The following ATRN variants were observed in gnomAD, a reference collection of about 807,000 sequenced individuals.
ATRN encodes the protein attractin-2.
ATRN carries 54 observed loss-of-function variants against 178.7 expected under a neutral mutation model. The ratio of observed to expected loss-of-function variants is 0.30; its 90% CI spans 0.24 to 0.38. The LOEUF is 0.38. ATRN is among the 10% of genes least tolerant of loss of function. The probability of loss-of-function intolerance (pLI) is 1.00; values close to 1 mark genes in which losing one functional copy is unlikely to be tolerated. For missense variants in ATRN, 1,443 were observed against 1,815.1 expected (o/e 0.79, Z 3.73); for synonymous variants, 636 against 663.0 (o/e 0.96, Z 0.63).
In ATRN at chr20:3,638,474, T is replaced by C. The variant is rs537639880; in HGVS notation, c.3943-354T>C. ...AAAGGATATGAACTCATTTATTTTA[T>C]GGCCGCATAGTATTCCATGGTGTAT... On this transcript the variant is annotated intron_variant, in intron 26 of 28. Transcript: ENST00000262919. The surrounding 1 kb of genome is among the most constrained non-coding windows in gnomAD (Gnocchi z 4.5). Among the ~76,000 whole-genome samples, 6 of 152,368 alleles carry C rather than the reference T, an allele frequency of 3.9e-5. No homozygotes were observed. In the South Asian group the frequency reaches 1.2e-3, roughly 32 times the overall value.
intron 19 of ATRN, 124 bp downstream of exon 19, chr20:3,591,430 A>G (rs2086440829): frequency 3.3e-6 from 4 of 1,224,624 alleles, no homozygotes; most frequent in Admixed American, 2.4e-5. Flanking sequence ...TTATTAAATC[A>G]TACTGGTCAG....
At chr20:3,594,333 T>C in intron 19 of ATRN, 146 bp from the exon 20 acceptor site, 1 of 537,180 alleles carries the variant, frequency 1.9e-6, no homozygotes, top group Non-Finnish European at 3.3e-6. Context: ...TGAAAAATCA[T>C]GAATCTTACC....
At chr20:3,628,426 G>A (rs1208226300) in intron 25 of ATRN, among the ~76,000 whole-genome samples, 1 of 152,118 alleles carries the variant, frequency 6.6e-6, no homozygotes, top group Non-Finnish European at 1.5e-5. Flanking sequence ...GTCAACCGTG[G>A]TCCAAAAACA....
intron 1 of ATRN, among the ~76,000 whole-genome samples, chr20:3,501,842 C>G (rs2084968999): frequency 6.6e-6 from 1 of 152,088 alleles, no homozygotes; most frequent in African/African-American, 2.4e-5. Flanking sequence ...CATCGGGGGA[C>G]ACAGTTGGAT....
rs117812068 is a variant in ATRN, at chr20:3,608,227, G to A, written c.3801+3965G>A. On this transcript the variant is annotated intron_variant, in intron 24 of 28. Coordinates refer to ENST00000262919, the MANE Select transcript of ATRN (RefSeq NM_139321.3). ...TTGGCTTGATATAATCCCATTTGTC[G>A]ATTTTTGCTTTTGTTGCCTGTGATT... Among the ~76,000 whole-genome samples, 24 of 152,066 alleles carry A rather than the reference G, an allele frequency of 1.6e-4. No individual in the cohort carries two copies. The East Asian group carries it at 4.3e-3, about 27-fold the overall frequency.
At chr20:3,574,692 G>C (rs1213250784) in intron 12 of ATRN, among the ~76,000 whole-genome samples, 1 of 152,176 alleles carries the variant, frequency 6.6e-6, no homozygotes, top group Non-Finnish European at 1.5e-5. Flanking sequence ...AAATATGCAT[G>C]TTTATAGGAA....
chr20:3,476,638 C>T (rs577140320), intron 1 of ATRN, among the ~76,000 whole-genome samples: 21 of 152,180 alleles, frequency 1.4e-4, no homozygotes, highest in African/African-American at 2.9e-4. Context: ...GCGGGCGGAT[C>T]GCCTGAGGTC....
intron 25 of ATRN, among the ~76,000 whole-genome samples, chr20:3,629,928 C>G (rs2086977104): frequency 7.3e-6 from 1 of 137,236 alleles, no homozygotes; most frequent in African/African-American, 3.1e-5. Flanking sequence ...CTCCCCCAAG[C>G]CTCATCATTC....
rs963549891 is a variant in ATRN, at chr20:3,471,324, C to T, written c.217C>T (p.Leu73=). The T allele has an allele frequency of 4.7e-6, 7 of 1,483,754 alleles. No individual in the cohort carries two copies. Among genetic ancestry groups the T allele is most frequent in the Non-Finnish European group, 5.3e-6 (6 of 1,126,076 alleles). 91.9% of individuals were successfully genotyped at this position (1,483,754 alleles called of 1,614,324 possible). The change falls in exon 1 of 29, where the codon CTG becomes TTG. Residue 73 remains leucine, a synonymous_variant. Transcript: ENST00000262919. ...GCTGTTGTTGCTCTCGCCGCCGCTG[C>T]TGCTGCTGCTGCTGCCCTGTGAGGC... ...LLLLLLSPPL[L]LLLLPCEAEA...
At chr20:3,472,735 G>A (rs1252972621) in intron 1 of ATRN, among the ~76,000 whole-genome samples, 1 of 152,200 alleles carries the variant, frequency 6.6e-6, no homozygotes, top group Non-Finnish European at 1.5e-5. Flanking sequence ...CTAGCTGGAG[G>A]GATGCAAGGA....
At chr20:3,590,496 T>C (rs1331290057) in intron 18 of ATRN, among the ~76,000 whole-genome samples, 3 of 152,190 alleles carry the variant, frequency 2.0e-5, no homozygotes, top group African/African-American at 7.2e-5. Context: ...AGGTCCAAGC[T>C]TCATATACCT....
At position 3,594,505 on chromosome 20, in the gene ATRN, C is replaced by T. The variant is rs1443698113; in HGVS notation, c.3349C>T (p.Leu1117=). The change falls in exon 20 of 29, where the codon CTG becomes TTG. Residue 1117 remains leucine (L), a synonymous_variant. Transcript: ENST00000262919. ...ATGCAAGTGCAATGGGCACGCGTCT[C>T]TGTGCAACACCAACACGGGCAAGTG... ...QPCKCNGHAS[L]CNTNTGKCFC... The T allele has an allele frequency of 6.2e-7, 1 of 1,611,932 alleles. No individual in the cohort carries two copies. Among genetic ancestry groups the T allele is most frequent in the Non-Finnish European group, 8.5e-7 (1 of 1,178,550 alleles).
intron 1 of ATRN, among the ~76,000 whole-genome samples, chr20:3,525,517 A>G (rs986446318): frequency 2.0e-5 from 3 of 152,348 alleles, no homozygotes; most frequent in Non-Finnish European, 4.4e-5. Flanking sequence ...TCCAAACGAC[A>G]GAAAAAGAGG....
chr20:3,600,334 T>G (rs2086592083), intron 22 of ATRN, among the ~76,000 whole-genome samples: 1 of 152,156 alleles, frequency 6.6e-6, no homozygotes. Flanking sequence ...GAAGCCATAC[T>G]CAATCATATT....
chr20:3,481,220 C>T (rs1346816028), intron 1 of ATRN, among the ~76,000 whole-genome samples: 2 of 151,884 alleles, frequency 1.3e-5, no homozygotes, highest in Non-Finnish European at 2.9e-5. Context: ...TGCTTTTTTC[C>T]CACTTTTCAT....
At chr20:3,535,826 C>T (rs1030133308) in intron 2 of ATRN, among the ~76,000 whole-genome samples, 1 of 152,078 alleles carries the variant, frequency 6.6e-6, no homozygotes, top group African/African-American at 2.4e-5. Context: ...GAAGGGGTTT[C>T]ACCATGTTAA....
In ATRN at chr20:3,494,948, G is replaced by A. The variant is rs570493597; in HGVS notation, c.410+23431G>A. On this transcript the variant is annotated intron_variant, in intron 1 of 28. Coordinates refer to ENST00000262919, the MANE Select transcript of ATRN (RefSeq NM_139321.3). ...TATTATTGTTTAAAAATATGAGGGA[G>A]CCATATTATGGTTGTTTTAATTATC... Among the ~76,000 whole-genome samples, 47 of 152,108 alleles carry A rather than the reference G, an allele frequency of 3.1e-4. No homozygotes were observed. The Middle Eastern group carries it at 0.01, about 33-fold the overall frequency.
intron 27 of ATRN, among the ~76,000 whole-genome samples, chr20:3,643,933 C>T (rs947991308): frequency 3.3e-5 from 5 of 152,188 alleles, no homozygotes; most frequent in Admixed American, 2.6e-4. Context: ...AAGGGGACTG[C>T]GAGACCTCAG....
At chr20:3,542,566 CCCTTCCCCTTTCT>C (rs1275338640) in intron 3 of ATRN, among the ~76,000 whole-genome samples, 4 of 144,648 alleles carry the variant, frequency 2.8e-5, no homozygotes, top group Admixed American at 6.9e-5. Context: ...CTTCCACCTC[CCCTTCCCCTTTCT>C]CCTTCCCCTT....
Sources: allele counts gnomAD v4.1 joint callset (sites outside exome capture counted in the v4.1 genomes callset), GRCh38; gene constraint gnomAD v4.1.1; non-coding constraint Gnocchi (gnomAD v3.1); transcripts MANE v1.5; gene names NCBI Gene and HGNC (gene_info 2026-07-23, HGNC 2026-07-21).